NEIL2: variants seen among roughly 807,000 people sequenced by gnomAD.
The protein encoded by NEIL2 is endonuclease 8-like 2.
Under a neutral mutation model 22.2 loss-of-function variants are expected in NEIL2, and 23 were observed. That is an observed-to-expected ratio of 1.04 (90% CI 0.75 to 1.47). The LOEUF is 1.47. Ranked by LOEUF, NEIL2 falls within the 40% of genes most tolerant of loss-of-function variation. NEIL2 has a pLI of 0.00. For synonymous variants in NEIL2, 229 were observed against 164.8 expected (o/e 1.39, Z -2.99); for missense variants, 583 against 404.7 (o/e 1.44, Z -3.78).
Position 11,785,975 on chromosome 8 carries a change from AG to A in NEIL2, c.702del (p.Asn235MetfsTer18). ...CGCTTTATTTCAGGGAACATCATTAAGAATGAAGCCTTGTACAGAGCTGGGA... is the reference window on the plus strand; with the variant it reads ...CGCTTTATTTCAGGGAACATCATTAAAATGAAGCCTTGTACAGAGCTGGGA... ...RYFSGLGNII[K>X]NEALYRAGIH... On this transcript the variant is annotated frameshift_variant, in exon 5 of 5. Coordinates refer to ENST00000284503, the MANE Select transcript of NEIL2 (RefSeq NM_145043.4). LOFTEE classifies it low-confidence loss of function (END_TRUNC). The A allele has an allele frequency of 1.9e-5, 30 of 1,614,076 alleles. 2 individuals are homozygous for A. In the Middle Eastern group the frequency reaches 4.9e-3, roughly 266 times the overall value.
chr8:11,785,551 C>T (rs1804838383), intron 4 of NEIL2, among the ~76,000 whole-genome samples: 1 of 152,198 alleles, frequency 6.6e-6, no homozygotes, highest in South Asian at 2.1e-4. Flanking sequence ...CCACTGTGCT[C>T]AGCGTCTTTT....
At chr8:11,782,444 G>T (rs1199154282) in intron 3 of NEIL2, among the ~76,000 whole-genome samples, 1 of 152,082 alleles carries the variant, frequency 6.6e-6, no homozygotes, top group African/African-American at 2.4e-5. Flanking sequence ...CACATTATAA[G>T]TCAAAAAAGC....
At chr8:11,775,548 C>T (rs1161262008) in intron 2 of NEIL2, among the ~76,000 whole-genome samples, 2 of 152,208 alleles carry the variant, frequency 1.3e-5, no homozygotes, top group African/African-American at 4.8e-5. Flanking sequence ...CATTTGACTC[C>T]TAGTTACTTA....
At chr8:11,779,230 C>T (rs571427770) in intron 2 of NEIL2, among the ~76,000 whole-genome samples, 145 of 152,214 alleles carry the variant, frequency 9.5e-4, no homozygotes, top group Middle Eastern at 3.4e-3. Flanking sequence ...TCCCACGCAC[C>T]GCTTATTTCT....
At chr8:11,783,538 C>A (rs1804633436) in intron 4 of NEIL2, 139 bp downstream of exon 4, 1 of 729,278 alleles carries the variant, frequency 1.4e-6, no homozygotes, top group East Asian at 2.6e-5. Context: ...AATCTCCTTT[C>A]TTTTACTTCC....
chr8:11,785,895 C>CT (rs1324324124), intron 4 of NEIL2, 68 bp from the exon 5 acceptor site: 1 of 1,449,482 alleles, frequency 6.9e-7, no homozygotes, highest in Non-Finnish European at 9.7e-7. Flanking sequence ...GCCTTGTTAA[C>CT]TTTGTGGGTG....
chr8:11,780,214 C>A (rs1804291291), intron 3 of NEIL2, among the ~76,000 whole-genome samples: 1 of 152,190 alleles, frequency 6.6e-6, no homozygotes, highest in Non-Finnish European at 1.5e-5. Context: ...TGAGGGGGGA[C>A]TGTCCCTGAA....
chr8:11,785,848 G>A (rs1409830694), intron 4 of NEIL2, 115 bp from the exon 5 acceptor site: 19 of 951,850 alleles, frequency 2.0e-5, no homozygotes, highest in East Asian at 2.4e-5. Flanking sequence ...TCGCAGACCC[G>A]TCTAGGGTCC....
chr8:11,779,716 C>G lies in NEIL2; in HGVS notation c.257C>G (p.Pro86Arg). 6.2e-7 allele frequency: 1 copy of G among 1,614,150 alleles called. No homozygotes were observed. The highest frequency in any genetic ancestry group is 8.5e-7 in the Non-Finnish European group (1 of 1,180,020). ...GTGCAGAAGGAAGGGGCTGCGGACC[C>G]AAAGCAGGTCGGGGAGCCCAGCGGG... ...KEVQKEGAAD[P>R]KQVGEPSGQK... The change falls in exon 3 of 5, where the codon CCA (proline) becomes CGA (arginine). Residue 86 changes from proline (P) to arginine (R), a missense_variant. Pro to Arg is a moderately radical substitution (Grantham distance 103). Transcript: ENST00000284503.
Position 11,770,007 on chromosome 8 carries a change from C to T in NEIL2, c.-331C>T, listed in dbSNP as rs944700953. On this transcript the variant is annotated 5_prime_UTR_variant, in exon 1 of 5. Coordinates refer to ENST00000284503, the MANE Select transcript of NEIL2 (RefSeq NM_145043.4). ...TGGGAAAGCAGTGGTCTTAGACCCCCCACCTCGGGCACTCGGAAGAGAACG... is the reference window on the plus strand; with the variant it reads ...TGGGAAAGCAGTGGTCTTAGACCCCTCACCTCGGGCACTCGGAAGAGAACG... 1 of 152,244 alleles carries T rather than the reference C, an allele frequency of 6.6e-6. No homozygotes were observed. Among genetic ancestry groups the T allele is most frequent in the Non-Finnish European group, 1.5e-5 (1 of 68,068 alleles). 9.4% of individuals were successfully genotyped at this position (152,244 alleles called of 1,614,324 possible).
At chr8:11,771,632 G>T in intron 2 of NEIL2, 47 bp downstream of exon 2, 2 of 1,582,840 alleles carry the variant, frequency 1.3e-6, no homozygotes, top group Non-Finnish European at 1.7e-6. Flanking sequence ...CCCATCCTGC[G>T]CCTCCCCTAG....
chr8:11,776,921 C>T (rs538519693), intron 2 of NEIL2, among the ~76,000 whole-genome samples: 17 of 152,270 alleles, frequency 1.1e-4, no homozygotes, highest in South Asian at 6.2e-4. Flanking sequence ...GTTCCTATAG[C>T]GGGTTTGTTG....
chr8:11,776,725 G>C (rs1325837132), intron 2 of NEIL2, among the ~76,000 whole-genome samples: 1 of 152,252 alleles, frequency 6.6e-6, no homozygotes, highest in East Asian at 1.9e-4. Flanking sequence ...CCCATCTCCA[G>C]GTCACCTGGG....
intron 2 of NEIL2, among the ~76,000 whole-genome samples, chr8:11,773,115 C>G (rs1000690643): frequency 6.6e-6 from 1 of 152,132 alleles, no homozygotes; most frequent in Non-Finnish European, 1.5e-5. Flanking sequence ...ACTGTGGCCT[C>G]TTTGTACACA....
rs771212359 is a variant in NEIL2 at position 11,779,779 on chromosome 8, T to C, written c.320T>C (p.Leu107Pro). ...TLDGSSRSAELVPQGEDDSEY... is the reference protein window; with the variant it reads ...TLDGSSRSAEPVPQGEDDSEY... ...GATGGATCCTCACGGTCTGCAGAGC[T>C]CGTCCCCCAGGGCGAGGATGATTCT... Residue 107 changes from leucine (L) to proline (P), a missense_variant, in exon 3 of 5, where the codon CTC (leucine) becomes CCC (proline). By Grantham distance (98) the Leu-to-Pro change is moderately conservative. Coordinates refer to ENST00000284503, the MANE Select transcript of NEIL2 (RefSeq NM_145043.4). 1 of 1,614,104 alleles carries C rather than the reference T, an allele frequency of 6.2e-7. No individual in the cohort carries two copies. Among genetic ancestry groups the C allele is most frequent in the South Asian group, 1.1e-5 (1 of 91,080 alleles).
At chr8:11,785,274 C>T (rs1330068703) in intron 4 of NEIL2, among the ~76,000 whole-genome samples, 2 of 152,190 alleles carry the variant, frequency 1.3e-5, no homozygotes, top group East Asian at 3.8e-4. Flanking sequence ...CAGATTACTG[C>T]AAGCCCCACC....
In NEIL2 at chr8:11,786,514, G is replaced by C. The variant is rs1284993421; in HGVS notation, c.*241G>C. ...TTGAATTGCACCATCGTGAAAGATG[G>C]GAAAAATCGTGATGATGGGTAAGGG... On this transcript the variant is annotated 3_prime_UTR_variant, in exon 5 of 5. Coordinates refer to ENST00000284503, the MANE Select transcript of NEIL2 (RefSeq NM_145043.4). 3.5e-6 allele frequency: 2 copies of C among 566,736 alleles called. No individual in the cohort carries two copies. The highest frequency in any genetic ancestry group is 3.0e-5 in the Admixed American group (1 of 33,170). 35.1% of individuals were successfully genotyped at this position (566,736 alleles called of 1,614,324 possible).
chr8:11,780,936 A>T (rs993579499), intron 3 of NEIL2, among the ~76,000 whole-genome samples: 1 of 152,116 alleles, frequency 6.6e-6, no homozygotes, highest in South Asian at 2.1e-4. Context: ...TGTTTTTGTG[A>T]CATGTGTTGC....
rs973852414 is a variant in NEIL2 at position 11,786,563 on chromosome 8, G to C, written c.*290G>C. 3 of 485,808 alleles carry C rather than the reference G, an allele frequency of 6.2e-6. No homozygotes were observed. The highest frequency in any genetic ancestry group is 5.7e-4 in the Middle Eastern group (1 of 1,740). 30.1% of individuals were successfully genotyped at this position (485,808 alleles called of 1,614,324 possible). On this transcript the variant is annotated 3_prime_UTR_variant, in exon 5 of 5. Coordinates refer to ENST00000284503, the MANE Select transcript of NEIL2 (RefSeq NM_145043.4). ...GGGAAAACTTCCCGGAAGGCAATGG[G>C]GCAAGGAAAAAGAAAGCCTATGGGA...
Sources: gnomAD v4.1 joint callset for allele counts (sites outside exome capture counted in the v4.1 genomes callset) on GRCh38, gnomAD v4.1.1 for gene constraint, MANE v1.5 for transcripts, NCBI Gene and HGNC (gene_info 2026-07-23, HGNC 2026-07-21) for gene names.